The following PLCL1 variants were observed in gnomAD, a reference collection of about 807,000 sequenced individuals.
PLCL1 encodes inactive phospholipase C-like protein 1.
Under a neutral mutation model 84.4 loss-of-function variants are expected in PLCL1, and 41 were observed. The ratio of observed to expected loss-of-function variants is 0.49; its 90% CI spans 0.38 to 0.63. The LOEUF (loss-of-function observed/expected upper bound fraction) is 0.63. PLCL1 is among the 30% of genes least tolerant of loss of function. The probability of loss-of-function intolerance (pLI) is 0.00; values close to 1 mark genes in which losing one functional copy is unlikely to be tolerated. For missense variants in PLCL1, 1,206 were observed against 1,367.8 expected (o/e 0.88, Z 1.87); for synonymous variants, 490 against 488.3 (o/e 1.00, Z -0.05).
chr2:198,084,387 C>G lies in PLCL1; in HGVS notation c.870C>G (p.Ser290Arg). ...IRLKFKEIQK[S>R]KEKLTTRVTE... ...TAAAGTTTAAAGAAATCCAGAAGAG[C>G]AAGGAAAAACTAACCACCCGCGTGA... Residue 290 changes from serine to arginine, a missense_variant, in exon 2 of 6, where the codon AGC becomes AGG. Coordinates refer to ENST00000428675, the MANE Select transcript of PLCL1 (RefSeq NM_006226.4). 1.2e-6 allele frequency: 2 copies of G among 1,614,128 alleles called. No homozygotes were observed. Among genetic ancestry groups the G allele is most frequent in the Non-Finnish European group, 1.7e-6 (2 of 1,179,982 alleles).
intron 1 of PLCL1, among the ~76,000 whole-genome samples, chr2:197,924,098 T>C (rs1285815349): frequency 1.5e-5 from 2 of 129,700 alleles, no homozygotes; most frequent in African/African-American, 2.9e-5. Flanking sequence ...ATGGCAGCAG[T>C]ACAGTCCAGC....
chr2:198,008,495 G>A (rs567121716), intron 1 of PLCL1, among the ~76,000 whole-genome samples: 1 of 150,984 alleles, frequency 6.6e-6, no homozygotes, highest in African/African-American at 2.4e-5. Flanking sequence ...TTAACGTAAT[G>A]TCCTCGAGTT....
intron 1 of PLCL1, among the ~76,000 whole-genome samples, chr2:197,924,076 C>T (rs1431286197): frequency 7.0e-6 from 1 of 142,838 alleles, no homozygotes; most frequent in Non-Finnish European, 1.5e-5. Flanking sequence ...AGGGAGGTTG[C>T]AGTGAGCCGA....
chr2:197,932,624 G>A (rs926945989), intron 1 of PLCL1, among the ~76,000 whole-genome samples: 1 of 152,122 alleles, frequency 6.6e-6, no homozygotes, highest in South Asian at 2.1e-4. Flanking sequence ...GCAGTGTCTG[G>A]TTTTCTGTTC....
chr2:198,057,026 C>A (rs1165963468), intron 1 of PLCL1, among the ~76,000 whole-genome samples: 1 of 152,098 alleles, frequency 6.6e-6, no homozygotes, highest in Non-Finnish European at 1.5e-5. Flanking sequence ...TGTGTGGGTG[C>A]CCTGGTGAAA....
intron 1 of PLCL1, among the ~76,000 whole-genome samples, chr2:197,898,572 C>A (rs1324159696): frequency 6.6e-6 from 1 of 151,816 alleles, no homozygotes; most frequent in Non-Finnish European, 1.5e-5. Context: ...ATCTTGGCAT[C>A]ATGCCCAAGA....
rs189692647 is a variant in PLCL1 at position 197,893,340 on chromosome 2, G to A, written c.240+88001G>A. On this transcript the variant is annotated intron_variant, in intron 1 of 5. Transcript: ENST00000428675. Reference sequence around the variant, plus strand: ...AGAATACTTAAAAAACCAGTATCTTGTGTAGTGTTCTTGAGTAAATTCAGT... The same window carrying A: ...AGAATACTTAAAAAACCAGTATCTTATGTAGTGTTCTTGAGTAAATTCAGT... Among the ~76,000 whole-genome samples, 334 of 152,292 alleles carry A rather than the reference G, an allele frequency of 2.2e-3. 4 individuals carry two copies. The highest frequency in any genetic ancestry group is 7.5e-3 in the African/African-American group (311 of 41,560).
At chr2:198,113,374 A>G (rs1693667974) in intron 5 of PLCL1, among the ~76,000 whole-genome samples, 1 of 151,936 alleles carries the variant, frequency 6.6e-6, no homozygotes, top group Admixed American at 6.6e-5. Context: ...TTACTAGGTG[A>G]CAGGCTTTGT....
chr2:197,851,443 A>G lies in PLCL1; in HGVS notation c.240+46104A>G, dbSNP rs575108182. Among the ~76,000 whole-genome samples, 30 of 152,350 alleles carry G rather than the reference A, an allele frequency of 2.0e-4. No individual in the cohort carries two copies. In the South Asian group the frequency reaches 5.8e-3, roughly 29 times the overall value. ...ACAGTGATAGAAGTATTGATTAGCT[A>G]TCTGTCTGGAATAAAAGCAGTGCTC... is the stretch of plus-strand genomic sequence containing the variant. On this transcript the variant is annotated intron_variant, in intron 1 of 5. Transcript: ENST00000428675.
chr2:198,071,681 A>G (rs1207668659), intron 1 of PLCL1, among the ~76,000 whole-genome samples: 2 of 151,888 alleles, frequency 1.3e-5, no homozygotes, highest in Non-Finnish European at 3.0e-5. Context: ...AACACATAGC[A>G]AATATTTCCA....
Position 197,898,830 on chromosome 2 carries a change from G to A in PLCL1, c.240+93491G>A, listed in dbSNP as rs571872773. Among the ~76,000 whole-genome samples, 22 of 150,770 alleles carry A rather than the reference G, an allele frequency of 1.5e-4. No homozygotes were observed. The East Asian group carries it at 4.3e-3, about 29-fold the overall frequency. On this transcript the variant is annotated intron_variant, in intron 1 of 5. Coordinates refer to ENST00000428675, the MANE Select transcript of PLCL1 (RefSeq NM_006226.4). ...CTTTTCAGCCTCTGTTTCCTCAATT[G>A]TAGCATAAGGATAATAATAGTATTT...
chr2:198,014,212 G>A (rs187157622), intron 1 of PLCL1, among the ~76,000 whole-genome samples: 47 of 152,236 alleles, frequency 3.1e-4, no homozygotes, highest in Admixed American at 2.7e-3. Flanking sequence ...TTCTCTGGCT[G>A]TCTTAGGTAG....
At chr2:198,018,406 G>A (rs1372345504) in intron 1 of PLCL1, among the ~76,000 whole-genome samples, 1 of 152,172 alleles carries the variant, frequency 6.6e-6, no homozygotes, top group Non-Finnish European at 1.5e-5. Flanking sequence ...TGGAATAGGG[G>A]CTGAAGCCAG....
intron 1 of PLCL1, among the ~76,000 whole-genome samples, chr2:197,955,267 G>A (rs78174815): frequency 0.022 from 3,397 of 152,060 alleles, 151 homozygotes; most frequent in African/African-American, 0.076. Flanking sequence ...TGGCTTCCTA[G>A]TGCCTACCAA....
Position 198,084,715 on chromosome 2 carries a change from A to G in PLCL1, c.1198A>G (p.Met400Val), listed in dbSNP as rs1191811999. ...DPEQKKVAQDMTQPLSHYYIN... is the reference protein window; with the variant it reads ...DPEQKKVAQDVTQPLSHYYIN... ...TGAGCAAAAGAAGGTTGCCCAAGAT[A>G]TGACCCAGCCATTATCTCACTACTA... The change falls in exon 2 of 6, where the codon ATG (methionine) becomes GTG (valine). Residue 400 changes from methionine to valine, a missense_variant. Met to Val is a conservative substitution (Grantham distance 21). Transcript: ENST00000428675. 1 of 1,614,016 alleles carries G rather than the reference A, an allele frequency of 6.2e-7. No individual in the cohort carries two copies. The highest frequency in any genetic ancestry group is 8.5e-7 in the Non-Finnish European group (1 of 1,179,994).
intron 1 of PLCL1, chr2:198,001,888 G>A: frequency 2.8e-6 from 1 of 357,348 alleles, no homozygotes; most frequent in Non-Finnish European, 5.6e-6. Context: ...GAGGGATCTA[G>A]GTTACGTGTT....
chr2:198,037,208 A>T (rs1263243320), intron 1 of PLCL1, among the ~76,000 whole-genome samples: 1 of 152,236 alleles, frequency 6.6e-6, no homozygotes, highest in Admixed American at 6.5e-5. Context: ...AGCATACATT[A>T]TACTGATTAT....
intron 1 of PLCL1, among the ~76,000 whole-genome samples, chr2:197,949,285 C>G (rs1370997184): frequency 6.6e-6 from 1 of 152,102 alleles, no homozygotes; most frequent in Non-Finnish European, 1.5e-5. Flanking sequence ...GAACTGTTCC[C>G]AGACTATATT....
rs779820043 is a variant in PLCL1 at position 198,101,267 on chromosome 2, A to G, written c.2920-18A>G. 6.7e-7 allele frequency: 1 copy of G among 1,500,022 alleles called. No homozygotes were observed. Among genetic ancestry groups the G allele is most frequent in the South Asian group, 1.2e-5 (1 of 85,922 alleles). 92.9% of individuals were successfully genotyped at this position (1,500,022 alleles called of 1,614,324 possible). A position where few individuals can be genotyped will look rare whatever the true frequency, so the allele number is the denominator to read the frequency against. ...AAGGATTCTGACAACCACCTTTTTG[A>G]TGTTTATTTTGTAACAGATGATTCA... is the stretch of plus-strand genomic sequence containing the variant. On this transcript the variant is annotated intron_variant, in intron 3 of 5. Coordinates refer to ENST00000428675, the MANE Select transcript of PLCL1 (RefSeq NM_006226.4).
Sources: allele counts gnomAD v4.1 joint callset (sites outside exome capture counted in the v4.1 genomes callset), GRCh38; gene constraint gnomAD v4.1.1; transcripts MANE v1.5; gene names NCBI Gene and HGNC (gene_info 2026-07-23, HGNC 2026-07-21).